The following ADCY2 variants were observed in gnomAD, a reference collection of about 807,000 sequenced individuals.
The protein encoded by ADCY2 is adenylate cyclase type 2.
Under a neutral mutation model 125.2 loss-of-function variants are expected in ADCY2, and 31 were observed. The ratio of observed to expected loss-of-function variants is 0.25; its 90% confidence interval spans 0.19 to 0.33. The LOEUF (loss-of-function observed/expected upper bound fraction) is 0.33, where lower values mean the gene tolerates loss of function less well. ADCY2 is among the 10% of genes least tolerant of loss of function. The pLI, the probability that ADCY2 is intolerant of heterozygous loss-of-function variation, is 1.00. For synonymous variants in ADCY2, 512 were observed against 548.4 expected (o/e 0.93, Z 0.93); for missense variants, 904 against 1,418.2 (o/e 0.64, Z 5.82).
chr5:7,506,180 A>G (rs1743806539), intron 2 of ADCY2, among the ~76,000 whole-genome samples: 1 of 152,212 alleles, frequency 6.6e-6, no homozygotes, highest in Non-Finnish European at 1.5e-5. Context: ...TTAGCCATAG[A>G]TTCAGCCTAG....
At chr5:7,689,948 T>C (rs188254882) in intron 4 of ADCY2, among the ~76,000 whole-genome samples, 33 of 152,318 alleles carry the variant, frequency 2.2e-4, no homozygotes, top group Admixed American at 4.6e-4. Flanking sequence ...ATTGTGTATT[T>C]TCATTGAGGA....
chr5:7,620,131 T>G (rs1444403562), intron 3 of ADCY2, among the ~76,000 whole-genome samples: 2 of 152,198 alleles, frequency 1.3e-5, no homozygotes, highest in Non-Finnish European at 2.9e-5. Context: ...CCTATCTAAT[T>G]ATAAGACCCT....
At chr5:7,790,249 C>G (rs959463935) in intron 20 of ADCY2, among the ~76,000 whole-genome samples, 3 of 152,160 alleles carry the variant, frequency 2.0e-5, no homozygotes, top group Non-Finnish European at 4.4e-5. Flanking sequence ...CTCAGCTTCC[C>G]TGACAGCCTT....
intron 2 of ADCY2, among the ~76,000 whole-genome samples, chr5:7,518,008 G>GA (rs1162691421): frequency 4.6e-5 from 7 of 152,094 alleles, no homozygotes; most frequent in African/African-American, 1.4e-4. Flanking sequence ...GTTATGTGTA[G>GA]AAAAAACAGT....
At chr5:7,482,663 A>G (rs926297082) in intron 2 of ADCY2, among the ~76,000 whole-genome samples, 1 of 151,608 alleles carries the variant, frequency 6.6e-6, no homozygotes, top group African/African-American at 2.4e-5. Context: ...CCTTATATCA[A>G]AGAGATACCT....
intron 12 of ADCY2, among the ~76,000 whole-genome samples, chr5:7,722,785 C>G (rs1007316377): frequency 1.2e-4 from 18 of 151,672 alleles, no homozygotes; most frequent in African/African-American, 3.9e-4. Context: ...ATGGAGAAAC[C>G]CCATCTCTAC....
chr5:7,751,704 G>T (rs1579390447), intron 15 of ADCY2, among the ~76,000 whole-genome samples: 1 of 152,124 alleles, frequency 6.6e-6, no homozygotes, highest in Non-Finnish European at 1.5e-5. Flanking sequence ...TGAGGCTCTG[G>T]ATTTTATTCA....
intron 4 of ADCY2, among the ~76,000 whole-genome samples, chr5:7,628,809 G>A (rs1351009291): frequency 3.4e-5 from 5 of 149,024 alleles, no homozygotes; most frequent in Non-Finnish European, 5.9e-5. Flanking sequence ...GGGAAGAAGA[G>A]ATTATCTTGG....
chr5:7,721,885 T>G (rs1741772515), intron 12 of ADCY2, among the ~76,000 whole-genome samples: 1 of 152,226 alleles, frequency 6.6e-6, no homozygotes, highest in African/African-American at 2.4e-5. Flanking sequence ...TCTTCAAATT[T>G]TAGATACTAT....
chr5:7,792,537 G>A (rs1744283749), intron 20 of ADCY2, among the ~76,000 whole-genome samples: 1 of 151,876 alleles, frequency 6.6e-6, no homozygotes, highest in Admixed American at 6.5e-5. Context: ...CTGGCCCCAG[G>A]GTTCAGCCTC....
At chr5:7,648,573 G>A (rs1738978214) in intron 4 of ADCY2, among the ~76,000 whole-genome samples, 1 of 152,132 alleles carries the variant, frequency 6.6e-6, no homozygotes, top group Admixed American at 6.5e-5. Context: ...GTCTCCTAAT[G>A]ATTTAAGAAA....
chr5:7,523,815 A>T (rs1331487953), intron 3 of ADCY2, among the ~76,000 whole-genome samples: 2 of 152,340 alleles, frequency 1.3e-5, no homozygotes, highest in East Asian at 3.9e-4. Flanking sequence ...TAAAATAAGG[A>T]TACTGGCCTG....
rs781663582 is a variant in ADCY2 at position 7,772,988 on chromosome 5, A to G, written c.2271A>G (p.Val757=). The change falls in exon 18 of 25, where the codon GTA becomes GTG. Residue 757 remains valine, a synonymous_variant. Transcript: ENST00000338316. ...TATCCTGTTCCGTGTTCCTGCGGGT[A>G]AACTATGAGCTGAAGATGTTGATCA... ...GLISCSVFLR[V]NYELKMLIMM... 1.7e-5 allele frequency: 28 copies of G among 1,614,030 alleles called. No homozygotes were observed. Among genetic ancestry groups the G allele is most frequent in the Middle Eastern group, 1.6e-4 (1 of 6,084 alleles).
intron 15 of ADCY2, among the ~76,000 whole-genome samples, chr5:7,749,927 T>C (rs933421777): frequency 2.0e-5 from 3 of 152,222 alleles, no homozygotes; most frequent in African/African-American, 7.2e-5. Context: ...TCAATATCCC[T>C]CCACCATATT....
chr5:7,762,093 C>T (rs1743239300), intron 16 of ADCY2, among the ~76,000 whole-genome samples: 1 of 152,182 alleles, frequency 6.6e-6, no homozygotes. Flanking sequence ...AATTACCTTC[C>T]CCCACTTTTC....
chr5:7,590,817 C>G (rs1736828463), intron 3 of ADCY2, among the ~76,000 whole-genome samples: 1 of 152,070 alleles, frequency 6.6e-6, no homozygotes, highest in African/African-American at 2.4e-5. Context: ...GTTTTTGCTT[C>G]TAGGCATTTA....
intron 2 of ADCY2, among the ~76,000 whole-genome samples, chr5:7,440,485 T>C (rs1307380353): frequency 6.6e-6 from 1 of 152,218 alleles, no homozygotes; most frequent in African/African-American, 2.4e-5. Flanking sequence ...TGCAGATGAA[T>C]GATTAACAGG....
intron 1 of ADCY2, among the ~76,000 whole-genome samples, chr5:7,407,397 A>G (rs528003488): frequency 5.1e-4 from 78 of 152,224 alleles, no homozygotes; most frequent in African/African-American, 1.8e-3. Flanking sequence ...ATTGCTGGGG[A>G]AGCCTCAGGA....
intron 4 of ADCY2, among the ~76,000 whole-genome samples, chr5:7,648,353 A>T (rs563584712): frequency 6.6e-6 from 1 of 152,354 alleles, no homozygotes; most frequent in East Asian, 1.9e-4. Context: ...TTCAGAGCAA[A>T]GCATAAGAAT....
Sources: gnomAD v4.1 joint callset for allele counts (sites outside exome capture counted in the v4.1 genomes callset) on GRCh38, gnomAD v4.1.1 for gene constraint, MANE v1.5 for transcripts, NCBI Gene and HGNC (gene_info 2026-07-23, HGNC 2026-07-21) for gene names.